VEZT: variants seen among roughly 807,000 people sequenced by gnomAD.
The protein encoded by VEZT is vezatin.
VEZT carries 39 observed loss-of-function variants against 79.9 expected under a neutral mutation model. The observed-to-expected ratio is 0.49, with a 90% CI of 0.38 to 0.64. The LOEUF (loss-of-function observed/expected upper bound fraction) is 0.64. Ranked by LOEUF, VEZT falls within the 30% of genes least tolerant of loss-of-function variation. The pLI is 0.00. For missense variants in VEZT, 837 were observed against 893.1 expected (o/e 0.94, Z 0.80); for synonymous variants, 325 against 327.6 (o/e 0.99, Z 0.09).
chr12:95,242,804 C>T (rs911851458), intron 1 of VEZT, among the ~76,000 whole-genome samples: 1 of 141,620 alleles, frequency 7.1e-6, no homozygotes, highest in Non-Finnish European at 1.5e-5. Flanking sequence ...ACCTGGGAGG[C>T]GGAGGTTGCA....
At chr12:95,234,651 G>T (rs1566010646) in intron 1 of VEZT, among the ~76,000 whole-genome samples, 1 of 151,264 alleles carries the variant, frequency 6.6e-6, no homozygotes, top group African/African-American at 2.4e-5. Flanking sequence ...AAGTAGTTTT[G>T]TTTTTTTTGT....
chr12:95,226,927 C>T (rs1300736182), intron 1 of VEZT, among the ~76,000 whole-genome samples: 2 of 135,422 alleles, frequency 1.5e-5, no homozygotes, highest in Admixed American at 7.2e-5. Flanking sequence ...CATCATTCTA[C>T]TCTAAGAGGC....
chr12:95,234,541 C>T (rs982983749), intron 1 of VEZT, among the ~76,000 whole-genome samples: 1 of 151,984 alleles, frequency 6.6e-6, no homozygotes, highest in African/African-American at 2.4e-5. Flanking sequence ...GTGATTTGCC[C>T]GCCTCAGCCT....
At chr12:95,218,187 G>T in intron 1 of VEZT, 1 of 279,416 alleles carries the variant, frequency 3.6e-6, no homozygotes. Context: ...TGTGCGGCGG[G>T]GGGGACTGCG....
intron 1 of VEZT, among the ~76,000 whole-genome samples, chr12:95,243,685 G>A (rs896191864): frequency 6.6e-6 from 1 of 152,168 alleles, no homozygotes. Context: ...GCCATGCTAC[G>A]ATGTTGGGAG....
intron 1 of VEZT, among the ~76,000 whole-genome samples, chr12:95,230,313 G>C (rs2059079295): frequency 6.6e-6 from 1 of 152,004 alleles, no homozygotes; most frequent in Non-Finnish European, 1.5e-5. Context: ...ACAGAATATA[G>C]CCTCCTATCT....
intron 3 of VEZT, among the ~76,000 whole-genome samples, chr12:95,261,420 TA>T (rs1340243013): frequency 1.3e-5 from 2 of 152,310 alleles, no homozygotes; most frequent in South Asian, 4.2e-4. Context: ...TTTTTATTTT[TA>T]TTTTTTTTGA....
intron 10 of VEZT, among the ~76,000 whole-genome samples, chr12:95,294,698 C>T (rs1222380615): frequency 1.3e-5 from 2 of 152,160 alleles, no homozygotes; most frequent in Non-Finnish European, 2.9e-5. Context: ...CACTTGACTG[C>T]ATGTACTATG....
rs2060675013 is a variant in VEZT, at chr12:95,239,948, A to AGAG, written c.37-11992_37-11991insGAG. Among the ~76,000 whole-genome samples, 7 of 119,972 alleles carry AGAG rather than the reference A, an allele frequency of 5.8e-5. No individual in the cohort carries two copies. The East Asian group carries it at 1.2e-3, about 21-fold the overall frequency. The allele number at this position is 119,972 out of a possible 152,430, so 78.7% of individuals were successfully genotyped here. On this transcript the variant is annotated intron_variant, in intron 1 of 11. Transcript: ENST00000436874. ...GCCTGAGCAACAGAGGGAGACTCGA[A>AGAG]AGAGAGAGAGAGAGAGAGAGAGAGA...
At chr12:95,286,645 TAA>T in intron 8 of VEZT, 1 of 408,388 alleles carries the variant, frequency 2.4e-6, no homozygotes, top group Non-Finnish European at 4.9e-6. Flanking sequence ...CTGGACAATC[TAA>T]ATTTTCTTCA....
At chr12:95,230,233 C>T (rs2059066386) in intron 1 of VEZT, among the ~76,000 whole-genome samples, 1 of 151,594 alleles carries the variant, frequency 6.6e-6, no homozygotes, top group Non-Finnish European at 1.5e-5. Flanking sequence ...GTGCCCATTA[C>T]TTTTTATTTG....
rs2073678596 is a variant in VEZT at position 95,294,337 on chromosome 12, C to T, written c.1588C>T (p.His530Tyr). 6.3e-6 allele frequency: 10 copies of T among 1,589,512 alleles called. No individual in the cohort carries two copies. Among genetic ancestry groups the T allele is most frequent in the South Asian group, 2.3e-5 (2 of 86,780 alleles). ...AGTACCTTTGAAGCAGCCTACTCTA[C>T]ACATTGCAGACAAAGATCCAATCCC... ...TVVPLKQPTL[H>Y]IADKDPIPEE... The change falls in exon 10 of 12, where the codon CAC (histidine) becomes TAC (tyrosine). Residue 530 changes from histidine (H) to tyrosine (Y), a missense_variant. Transcript: ENST00000436874.
chr12:95,265,306 G>T (rs1168752287), intron 4 of VEZT, among the ~76,000 whole-genome samples: 2 of 151,812 alleles, frequency 1.3e-5, no homozygotes, highest in Admixed American at 1.3e-4. Context: ...TACAAACCTT[G>T]TCCATATCAT....
chr12:95,259,191 G>GGTTT lies in VEZT; in HGVS notation c.258+1952_258+1953insGTTT, dbSNP rs1555263705. Among the ~76,000 whole-genome samples, 721 of 147,682 alleles carry GGTTT rather than the reference G, an allele frequency of 4.9e-3. 5 individuals are homozygous for GGTTT. Among genetic ancestry groups the GGTTT allele is most frequent in the African/African-American group, 0.017 (693 of 40,212 alleles). Reference sequence around the variant, plus strand: ...CTTATACTGTGATGGAATACTTTCTGTTTTTTTTTTCTTGATCCATTAGAA... The same window carrying GGTTT: ...CTTATACTGTGATGGAATACTTTCTGGTTTTTTTTTTTTTCTTGATCCATTAGAA... On this transcript the variant is annotated intron_variant, in intron 3 of 11. Transcript: ENST00000436874.
At chr12:95,296,311 T>C (rs951704140) in intron 11 of VEZT, 53 bp downstream of exon 11, 1 of 1,488,108 alleles carries the variant, frequency 6.7e-7, no homozygotes, top group Non-Finnish European at 9.0e-7. Flanking sequence ...GATTCTTTCT[T>C]TCTTGAACCA....
intron 1 of VEZT, chr12:95,245,377 A>T: frequency 2.7e-6 from 1 of 373,732 alleles, no homozygotes; most frequent in Non-Finnish European, 5.2e-6. Flanking sequence ...ATTTTTCTGG[A>T]AACAGAGCAT....
chr12:95,271,887 A>G (rs1291745867), intron 6 of VEZT, among the ~76,000 whole-genome samples: 2 of 152,214 alleles, frequency 1.3e-5, no homozygotes, highest in East Asian at 1.9e-4. Flanking sequence ...TGAAATAATC[A>G]ATAAAATATG....
chr12:95,271,542 C>G (rs1333041931), intron 6 of VEZT, among the ~76,000 whole-genome samples: 1 of 152,142 alleles, frequency 6.6e-6, no homozygotes, highest in African/African-American at 2.4e-5. Flanking sequence ...GGATAAGAGT[C>G]TGCATTCCAG....
chr12:95,263,031 G>A lies in VEZT; in HGVS notation c.384G>A (p.Gln128=). Residue 128 remains glutamine, a synonymous_variant, in exon 4 of 12, where the codon CAG becomes CAA. Coordinates refer to ENST00000436874, the MANE Select transcript of VEZT (RefSeq NM_017599.4). Reference sequence around the variant, plus strand: ...TGTCTGCAGGGCAATCTCAACAACAGGAAAATGGACACCTTCCAACACTTT... The same window carrying A: ...TGTCTGCAGGGCAATCTCAACAACAAGAAAATGGACACCTTCCAACACTTT... The part of the protein sequence containing the change: ...SILSAGQSQQ[Q]ENGHLPTLCS... The A allele has an allele frequency of 2.5e-6, 4 of 1,612,550 alleles. No individual in the cohort carries two copies. Among genetic ancestry groups the A allele is most frequent in the Middle Eastern group, 1.7e-4 (1 of 6,056 alleles).
Sources: gnomAD v4.1 joint callset for allele counts (sites outside exome capture counted in the v4.1 genomes callset) on GRCh38, gnomAD v4.1.1 for gene constraint, MANE v1.5 for transcripts, NCBI Gene and HGNC (gene_info 2026-07-23, HGNC 2026-07-21) for gene names.